Variants in ABCG8 observed in about 807,000 individuals in gnomAD.
ABCG8 encodes the protein ATP binding cassette subfamily G member 8.
ABCG8 carries 81 observed loss-of-function variants against 71.3 expected under a neutral mutation model. The observed-to-expected ratio is 1.14, with a 90% CI of 0.95 to 1.37. The LOEUF (loss-of-function observed/expected upper bound fraction) is 1.37. Among genes scored for constraint, ABCG8 ranks in the 40% most tolerant of loss-of-function variants. ABCG8 has a pLI of 0.00. For synonymous variants in ABCG8, 451 were observed against 354.7 expected, an observed-to-expected ratio of 1.27 and a Z score of -3.05; for missense variants, 1,119 against 866.2, an observed-to-expected ratio of 1.29 and a Z score of -3.66.
chr2:43,868,490 C>T (rs1026799646), intron 6 of ABCG8, among the ~76,000 whole-genome samples: 1 of 152,064 alleles, frequency 6.6e-6, no homozygotes, highest in African/African-American at 2.4e-5. Context: ...ATAGAAGTCT[C>T]ATTATCTGTC....
chr2:43,875,479 T>G, intron 11 of ABCG8, 66 bp downstream of exon 11: 1 of 1,567,982 alleles, frequency 6.4e-7, no homozygotes, highest in Non-Finnish European at 8.7e-7. Context: ...GAAGCCTGCT[T>G]TCATCTGGAG....
chr2:43,858,068 A>C (rs1669175054), intron 6 of ABCG8, among the ~76,000 whole-genome samples: 1 of 151,574 alleles, frequency 6.6e-6, no homozygotes, highest in African/African-American at 2.4e-5. Context: ...AACTCTCACT[A>C]TCTGGAGAGA....
chr2:43,860,218 ACT>A (rs540944849), intron 6 of ABCG8, among the ~76,000 whole-genome samples: 62 of 149,562 alleles, frequency 4.1e-4, no homozygotes, highest in Admixed American at 1.7e-3. Flanking sequence ...TCTGGATAAA[ACT>A]CTCACTCTCT....
intron 6 of ABCG8, among the ~76,000 whole-genome samples, chr2:43,855,936 A>G (rs1669089481): frequency 6.6e-6 from 1 of 151,654 alleles, no homozygotes; most frequent in African/African-American, 2.4e-5. Flanking sequence ...CTCTCGGGAT[A>G]GAATTATAAC....
chr2:43,839,281 A>ACAGATT (rs1454163726), intron 1 of ABCG8, among the ~76,000 whole-genome samples, 165 bp downstream of exon 1: 2 of 152,074 alleles, frequency 1.3e-5, no homozygotes, highest in Non-Finnish European at 2.9e-5. Context: ...GCGGAGGGGA[A>ACAGATT]CAGATTCAGG....
rs1331583459 is a variant in ABCG8, at chr2:43,872,214, G to A, written c.1128-9G>A. On this transcript the variant is annotated splice_polypyrimidine_tract_variant and intron_variant, in intron 7 of 12. Transcript: ENST00000272286. ...CCCCCATGACCTGGCCACATCTTCT[G>A]CCTCCCAGCAGCGTGACCCCACTAG... The A allele has an allele frequency of 1.2e-6, 2 of 1,613,904 alleles. No homozygotes were observed. The highest frequency in any genetic ancestry group is 1.1e-5 in the South Asian group (1 of 91,086).
At chr2:43,841,755 C>T (rs57830502) in intron 1 of ABCG8, among the ~76,000 whole-genome samples, 90 of 152,300 alleles carry the variant, frequency 5.9e-4, no homozygotes, top group African/African-American at 2.0e-3. Context: ...CCAGCTCCCT[C>T]CCCTTCTCAA....
At chr2:43,842,175 AT>A (rs1251843736) in intron 1 of ABCG8, among the ~76,000 whole-genome samples, 3 of 151,312 alleles carry the variant, frequency 2.0e-5, no homozygotes, top group Non-Finnish European at 3.0e-5. Context: ...ATGCCCGGCA[AT>A]TTTTTTTTGT....
At chr2:43,852,331 T>A (rs181385559) in intron 4 of ABCG8, 23 bp from the exon 5 acceptor site, 74 of 1,611,988 alleles carry the variant, frequency 4.6e-5, no homozygotes, top group Admixed American at 2.0e-4. Flanking sequence ...TGAGGTGGCC[T>A]CAAAGCTCCT....
chr2:43,853,758 A>T (rs970936234), intron 6 of ABCG8, among the ~76,000 whole-genome samples: 1 of 152,218 alleles, frequency 6.6e-6, no homozygotes, highest in African/African-American at 2.4e-5. Flanking sequence ...TTGCAGAGCT[A>T]AACACCTGTT....
chr2:43,854,763 G>A (rs536684418), intron 6 of ABCG8, among the ~76,000 whole-genome samples: 28 of 152,318 alleles, frequency 1.8e-4, no homozygotes, highest in Admixed American at 9.2e-4. Flanking sequence ...ACTGAGCTGG[G>A]TATAGGGAGA....
chr2:43,849,998 G>A (rs767345647), intron 3 of ABCG8, among the ~76,000 whole-genome samples: 1 of 152,036 alleles, frequency 6.6e-6, no homozygotes, highest in African/African-American at 2.4e-5. Context: ...TCAGGGGTTC[G>A]AGACCAGCCT....
intron 10 of ABCG8, 41 bp downstream of exon 10, chr2:43,874,524 A>T: frequency 1.2e-5 from 17 of 1,476,772 alleles, no homozygotes; most frequent in Non-Finnish European, 1.6e-5. Context: ...CCCACCCACC[A>T]GGGTGGGGGT....
At chr2:43,870,408 T>C (rs549529523) in intron 6 of ABCG8, among the ~76,000 whole-genome samples, 1 of 151,844 alleles carries the variant, frequency 6.6e-6, no homozygotes, top group Non-Finnish European at 1.5e-5. Context: ...GCTGTGGATA[T>C]AACTCTCACT....
At chr2:43,872,422 T>C in intron 8 of ABCG8, 116 bp downstream of exon 8, 1 of 1,247,040 alleles carries the variant, frequency 8.0e-7, no homozygotes, top group Non-Finnish European at 1.1e-6. Context: ...TAGAGTCATT[T>C]GAAAAAAACA....
intron 6 of ABCG8, 69 bp from the exon 7 acceptor site, chr2:43,871,907 C>A: frequency 1.2e-6 from 2 of 1,608,336 alleles, no homozygotes; most frequent in Non-Finnish European, 1.7e-6. Flanking sequence ...TGGGCGTGCA[C>A]CAAGCTCTTC....
chr2:43,863,564 A>G (rs1354831390), intron 6 of ABCG8, among the ~76,000 whole-genome samples: 1 of 151,056 alleles, frequency 6.6e-6, no homozygotes, highest in Admixed American at 6.6e-5. Flanking sequence ...AACTCTCACT[A>G]TCTATCTGGA....
At chr2:43,857,456 T>A (rs1165848651) in intron 6 of ABCG8, among the ~76,000 whole-genome samples, 1 of 151,524 alleles carries the variant, frequency 6.6e-6, no homozygotes, top group African/African-American at 2.4e-5. Flanking sequence ...GAATCCTCAC[T>A]CTATATAGAA....
At chr2:43,842,487 G>A (rs1024041441) in intron 1 of ABCG8, among the ~76,000 whole-genome samples, 1 of 152,092 alleles carries the variant, frequency 6.6e-6, no homozygotes, top group Non-Finnish European at 1.5e-5. Flanking sequence ...TTGGGGCACA[G>A]ACCTTCTTAC....
Sources: allele counts gnomAD v4.1 joint callset (sites outside exome capture counted in the v4.1 genomes callset), GRCh38; gene constraint gnomAD v4.1.1; transcripts MANE v1.5; gene names NCBI Gene and HGNC (gene_info 2026-07-23, HGNC 2026-07-21).